MFSD6: variants seen among roughly 807,000 people sequenced by gnomAD.
MFSD6 encodes major facilitator superfamily domain-containing protein 6.
MFSD6 carries 26 observed loss-of-function variants against 56.3 expected under a neutral mutation model. The observed-to-expected ratio is 0.46, with a 90% CI of 0.34 to 0.64. MFSD6 has a LOEUF of 0.64. MFSD6 is among the 30% of genes least tolerant of loss of function. The probability of loss-of-function intolerance (pLI) is 0.01; values close to 1 mark genes in which losing one functional copy is unlikely to be tolerated. For synonymous variants in MFSD6, 331 were observed against 366.9 expected (o/e 0.90, Z 1.12); for missense variants, 750 against 986.2 (o/e 0.76, Z 3.21).
At position 190,456,234 on chromosome 2, in the gene MFSD6, C is replaced by A. The variant is rs139536920; in HGVS notation, c.1533-13524C>A. Among the ~76,000 whole-genome samples the A allele has an allele frequency of 1.3e-3, 199 of 152,260 alleles. No homozygotes were observed. The highest frequency in any genetic ancestry group is 3.9e-3 in the African/African-American group (161 of 41,558). On this transcript the variant is annotated intron_variant, in intron 3 of 7. Transcript: ENST00000392328. This position sits in a 1 kb window ranked among gnomAD's most constrained non-coding sequence, Gnocchi z 5.4. The stretch of plus-strand genomic sequence containing the variant: ...AGGATTACAGGTGTGAGCCACCATG[C>A]CTGGCCTGCTCTACTTTTTTCCTTA...
rs537706900 is a variant in MFSD6 at position 190,431,617 on chromosome 2, A to G, written c.-53-4360A>G. ...GCACTTGGCAGGCTGAGGCAGGGGA[A>G]TCAGGCAGGGAGGTTGCAGTGAGCC... On this transcript the variant is annotated intron_variant, in intron 2 of 7. Coordinates refer to ENST00000392328, the MANE Select transcript of MFSD6 (RefSeq NM_017694.4). This position sits in a 1 kb window ranked among gnomAD's most constrained non-coding sequence, Gnocchi z 4.4. Among the ~76,000 whole-genome samples, 208 of 152,300 alleles carry G rather than the reference A, an allele frequency of 1.4e-3. No individual in the cohort carries two copies. Among genetic ancestry groups the G allele is most frequent in the African/African-American group, 4.7e-3 (196 of 41,574 alleles).
At chr2:190,472,276 A>C (rs1470358967) in intron 4 of MFSD6, among the ~76,000 whole-genome samples, 1 of 152,210 alleles carries the variant, frequency 6.6e-6, no homozygotes, top group African/African-American at 2.4e-5. Context: ...GCTTCAGACG[A>C]TCAAACTACT....
At chr2:190,422,061 T>G (rs1413271029) in intron 2 of MFSD6, among the ~76,000 whole-genome samples, 1 of 152,240 alleles carries the variant, frequency 6.6e-6, no homozygotes, top group East Asian at 1.9e-4. Context: ...TGTATGACTG[T>G]GTAATCATAA....
In MFSD6 at chr2:190,431,699, G is replaced by C. The variant is rs1363549631; in HGVS notation, c.-53-4278G>C. On this transcript the variant is annotated intron_variant, in intron 2 of 7. Coordinates refer to ENST00000392328, the MANE Select transcript of MFSD6 (RefSeq NM_017694.4). This position sits in a 1 kb window ranked among gnomAD's most constrained non-coding sequence, Gnocchi z 4.4. ...CAGCATCAGGGAGACCGTGGAAAGA[G>C]AGGGAGAGGGAGACTGTGGGGAGAG... is the stretch of plus-strand genomic sequence containing the variant. Among the ~76,000 whole-genome samples the C allele has an allele frequency of 1.3e-5, 2 of 152,112 alleles. No homozygotes were observed. Among genetic ancestry groups the C allele is most frequent in the African/African-American group, 4.8e-5 (2 of 41,450 alleles).
In MFSD6 at chr2:190,436,723, G is replaced by T. The variant is rs1178416362; in HGVS notation, c.694G>T (p.Glu232Ter). Residue 232 changes from glutamate to a stop codon, truncating the protein, a stop_gained, in exon 3 of 8, where the codon GAA becomes TAA. Coordinates refer to ENST00000392328, the MANE Select transcript of MFSD6 (RefSeq NM_017694.4). LOFTEE classifies it high-confidence loss of function. The surrounding 1 kb of genome is among the most constrained non-coding windows in gnomAD (Gnocchi z 5.3). ...ACCCACTCTGCAGCCCCAGACAGGT[G>T]AAATTACTAACCGTATGATGGACTT... ...SEPTLQPQTGEITNRMMDLTL... is the reference protein window; with the variant it reads ...SEPTLQPQTG 6.2e-7 allele frequency: 1 copy of T among 1,614,180 alleles called. No individual in the cohort carries two copies.
At position 190,424,710 on chromosome 2, in the gene MFSD6, AT is replaced by A. The variant is rs1407755348; in HGVS notation, c.-54+9305del. 6.6e-6 allele frequency among the ~76,000 whole-genome samples: 1 copy of A among 151,650 alleles called. No individual in the cohort carries two copies. The highest frequency in any genetic ancestry group is 1.5e-5 in the Non-Finnish European group (1 of 67,910). On this transcript the variant is annotated intron_variant, in intron 2 of 7. Transcript: ENST00000392328. The surrounding 1 kb of genome is among the most constrained non-coding windows in gnomAD (Gnocchi z 5.9). ...TGAAAGGTTACCTTTCCACCATTGA[AT>A]TTTTTTTGCATCTTTGTTAAAAAAC...
In MFSD6 at chr2:190,434,093, G is replaced by A. The variant is rs957946683; in HGVS notation, c.-53-1884G>A. The stretch of plus-strand genomic sequence containing the variant: ...AGCTACTTAGGAGACTGAGGTGGAA[G>A]GATTGCTTGAGACTGGGAGGTTGAG... On this transcript the variant is annotated intron_variant, in intron 2 of 7. Coordinates refer to ENST00000392328, the MANE Select transcript of MFSD6 (RefSeq NM_017694.4). This position sits in a 1 kb window ranked among gnomAD's most constrained non-coding sequence, Gnocchi z 4.3. Among the ~76,000 whole-genome samples, 6 of 151,668 alleles carry A rather than the reference G, an allele frequency of 4.0e-5. No homozygotes were observed. The highest frequency in any genetic ancestry group is 7.4e-5 in the Non-Finnish European group (5 of 67,960).
chr2:190,478,231 G>A (rs1433657923), intron 4 of MFSD6, among the ~76,000 whole-genome samples: 1 of 152,110 alleles, frequency 6.6e-6, no homozygotes, highest in Non-Finnish European at 1.5e-5. Context: ...CTAGCTACTG[G>A]TCTGAAGCCA....
In MFSD6 at chr2:190,426,805, G is replaced by A. The variant is rs555832361; in HGVS notation, c.-53-9172G>A. 6.6e-6 allele frequency among the ~76,000 whole-genome samples: 1 copy of A among 151,244 alleles called. No homozygotes were observed. The highest frequency in any genetic ancestry group is 1.5e-5 in the Non-Finnish European group (1 of 67,972). ...AATGATTTTTTATTGAAAGCAAGAT[G>A]TTTTGGGTATTATTTTATGAGACTG... On this transcript the variant is annotated intron_variant, in intron 2 of 7. Transcript: ENST00000392328. The surrounding 1 kb of genome is among the most constrained non-coding windows in gnomAD (Gnocchi z 4.7).
At position 190,469,792 on chromosome 2, in the gene MFSD6, C is replaced by A. The variant is rs972401389; in HGVS notation, c.1567C>A (p.Arg523Ser). The A allele has an allele frequency of 1.9e-6, 3 of 1,605,516 alleles. No individual in the cohort carries two copies. Among genetic ancestry groups the A allele is most frequent in the Non-Finnish European group, 2.5e-6 (3 of 1,176,968 alleles). Residue 523 changes from arginine (R) to serine (S), a missense_variant, in exon 4 of 8, where the codon CGC (arginine) becomes AGC (serine). This residue lies in a region of MFSD6 where 125 missense variants were observed against 223.1 expected (regional missense o/e 0.56). Transcript: ENST00000392328. The surrounding 1 kb of genome is among the most constrained non-coding windows in gnomAD (Gnocchi z 5.3). ...LYIGLACNTARYIYISYLENA... is the reference protein window; with the variant it reads ...LYIGLACNTASYIYISYLENA... Reference sequence around the variant, plus strand: ...CATTGGCCTGGCCTGCAATACGGCTCGCTATATTTATATTTCCTACCTGGA... The same window carrying A: ...CATTGGCCTGGCCTGCAATACGGCTAGCTATATTTATATTTCCTACCTGGA...
At position 190,434,182 on chromosome 2, in the gene MFSD6, C is replaced by CAAA. The variant is rs67545783; in HGVS notation, c.-53-1784_-53-1782dup. On this transcript the variant is annotated intron_variant, in intron 2 of 7. Coordinates refer to ENST00000392328, the MANE Select transcript of MFSD6 (RefSeq NM_017694.4). The surrounding 1 kb of genome is among the most constrained non-coding windows in gnomAD (Gnocchi z 4.3). The stretch of plus-strand genomic sequence containing the variant: ...GGTGACAGAGTAAGACCCTGTCTCT[C>CAAA]AAAAAAAAAAAAAGAAAAAAAAGAA... 5.4e-5 allele frequency among the ~76,000 whole-genome samples: 7 copies of CAAA among 129,788 alleles called. No individual in the cohort carries two copies. The highest frequency in any genetic ancestry group is 1.5e-4 in the African/African-American group (5 of 33,722). 85.1% of individuals were successfully genotyped at this position (129,788 alleles called of 152,430 possible).
rs564132321 is a variant in MFSD6, at chr2:190,490,085, TTTTG to T, written c.1891+231_1891+234del. Among the ~76,000 whole-genome samples, 123 of 142,678 alleles carry T rather than the reference TTTTG, an allele frequency of 8.6e-4. No individual in the cohort carries two copies. Among genetic ancestry groups the T allele is most frequent in the Non-Finnish European group, 1.5e-3 (90 of 61,472 alleles). The allele number at this position is 142,678 out of a possible 152,430, so 93.6% of individuals were successfully genotyped here. A position where few individuals can be genotyped will look rare whatever the true frequency, so the allele number is the denominator to read the frequency against. On this transcript the variant is annotated intron_variant, in intron 6 of 7. Transcript: ENST00000392328. This position sits in a 1 kb window ranked among gnomAD's most constrained non-coding sequence, Gnocchi z 4.5. ...TTAAGTAGCTTGGGGTTTTCTTGTT[TTTTG>T]TTTGTTTGTTTTCTTTTATAATACA...
Position 190,495,063 on chromosome 2 carries a change from G to A in MFSD6, c.1892-2376G>A, listed in dbSNP as rs142540285. Among the ~76,000 whole-genome samples, 1,714 of 152,158 alleles carry A rather than the reference G, an allele frequency of 0.011. 37 individuals are homozygous for A. The highest frequency in any genetic ancestry group is 0.038 in the African/African-American group (1,568 of 41,528). ...TAGGTAAAGAGGAAGTCAAACTGTC[G>A]CTGTTTGCTGATGATAAGATTGTAT... On this transcript the variant is annotated intron_variant, in intron 6 of 7. Transcript: ENST00000392328. This position sits in a 1 kb window ranked among gnomAD's most constrained non-coding sequence, Gnocchi z 4.7.
In MFSD6 at chr2:190,436,195, T is replaced by G. The variant is rs1039297042; in HGVS notation, c.166T>G (p.Trp56Gly). Reference protein sequence around the residue: ...TSAIPEEEIDWIEKHCVKINN... With the variant: ...TSAIPEEEIDGIEKHCVKINN... ...TGCTATTCCTGAGGAGGAAATAGAC[T>G]GGATAGAGAAACATTGTGTTAAGAT... The change falls in exon 3 of 8, where the codon TGG becomes GGG. Residue 56 changes from tryptophan (W) to glycine (G), a missense_variant. This residue lies in a region of MFSD6 where 76 missense variants were observed against 101.9 expected (regional missense o/e 0.75). Transcript: ENST00000392328. This position sits in a 1 kb window ranked among gnomAD's most constrained non-coding sequence, Gnocchi z 5.3. 1.9e-6 allele frequency: 3 copies of G among 1,614,198 alleles called. No individual in the cohort carries two copies. The highest frequency in any genetic ancestry group is 2.5e-6 in the Non-Finnish European group (3 of 1,179,990).
chr2:190,466,020 G>T (rs377101403), intron 3 of MFSD6, among the ~76,000 whole-genome samples: 14 of 152,168 alleles, frequency 9.2e-5, no homozygotes, highest in African/African-American at 3.4e-4. Flanking sequence ...AAAAGTCCGA[G>T]ATCAATTGTC....
intron 1 of MFSD6, among the ~76,000 whole-genome samples, chr2:190,409,609 A>G (rs769723965): frequency 1.6e-4 from 24 of 152,218 alleles, no homozygotes; most frequent in Non-Finnish European, 3.4e-4. Context: ...CTAGAAATCT[A>G]ACCTCTTAAG....
At chr2:190,448,212 C>G (rs1394522575) in intron 3 of MFSD6, among the ~76,000 whole-genome samples, 1 of 152,182 alleles carries the variant, frequency 6.6e-6, no homozygotes, top group East Asian at 1.9e-4. Flanking sequence ...CTGCAAATTC[C>G]ATTACCTAGA....
Position 190,451,265 on chromosome 2 carries a change from T to A in MFSD6, c.1532+13704T>A, listed in dbSNP as rs1269842200. Among the ~76,000 whole-genome samples, 1 of 152,212 alleles carries A rather than the reference T, an allele frequency of 6.6e-6. No individual in the cohort carries two copies. Among genetic ancestry groups the A allele is most frequent in the African/African-American group, 2.4e-5 (1 of 41,458 alleles). On this transcript the variant is annotated intron_variant, in intron 3 of 7. Coordinates refer to ENST00000392328, the MANE Select transcript of MFSD6 (RefSeq NM_017694.4). This position sits in a 1 kb window ranked among gnomAD's most constrained non-coding sequence, Gnocchi z 5.0. The stretch of plus-strand genomic sequence containing the variant: ...GCTTTGTTAAGCCTCAGGTTCCTCA[T>A]TGGTAAAACGGGGCAATAATTATAC...
chr2:190,477,957 C>G (rs1688436229), intron 4 of MFSD6, among the ~76,000 whole-genome samples: 1 of 152,120 alleles, frequency 6.6e-6, no homozygotes, highest in Admixed American at 6.5e-5. Flanking sequence ...GGGGGAAGAG[C>G]TGTGTGCGAA....
Sources: allele counts gnomAD v4.1 joint callset (sites outside exome capture counted in the v4.1 genomes callset), GRCh38; gene constraint gnomAD v4.1.1; regional missense constraint gnomAD v4.1.1; non-coding constraint Gnocchi (gnomAD v3.1); transcripts MANE v1.5; gene names NCBI Gene and HGNC (gene_info 2026-07-23, HGNC 2026-07-21).